Variants in MALRD1 observed in about 807,000 individuals in gnomAD.
MALRD1 encodes MAM and LDL receptor class A domain containing 1, also known as MAM and LDL-receptor class A domain-containing protein 1.
Under a neutral mutation model 242.1 loss-of-function variants are expected in MALRD1, and 247 were observed. The ratio of observed to expected loss-of-function variants is 1.02; its 90% CI spans 0.92 to 1.13. The LOEUF is 1.13. MALRD1 is among the 50% of genes most tolerant of loss of function. The probability of loss-of-function intolerance (pLI) is 0.00; values close to 1 mark genes in which losing one functional copy is unlikely to be tolerated. For missense variants in MALRD1, 2,989 were observed against 2,533.1 expected (o/e 1.18, Z -3.86); for synonymous variants, 995 against 866.6 (o/e 1.15, Z -2.60).
chr10:19,498,077 A>G (rs1384144814), intron 30 of MALRD1, among the ~76,000 whole-genome samples: 1 of 152,224 alleles, frequency 6.6e-6, no homozygotes, highest in African/African-American at 2.4e-5. Context: ...TTTCTTGAGT[A>G]AATGACTTTG....
intron 18 of MALRD1, among the ~76,000 whole-genome samples, chr10:19,256,978 T>C (rs977803576): frequency 3.3e-5 from 5 of 152,128 alleles, no homozygotes; most frequent in Non-Finnish European, 7.4e-5. Context: ...ATTAAAATAA[T>C]TCATCATGAT....
At chr10:19,733,095 C>G (rs1461853297) in intron 39 of MALRD1, among the ~76,000 whole-genome samples, 1 of 152,140 alleles carries the variant, frequency 6.6e-6, no homozygotes, top group Admixed American at 6.5e-5. Context: ...AGATAGACTT[C>G]TCTAAGTCTA....
At chr10:19,267,257 A>C (rs533900161) in intron 19 of MALRD1, among the ~76,000 whole-genome samples, 135 of 152,244 alleles carry the variant, frequency 8.9e-4, no homozygotes, top group Middle Eastern at 3.4e-3. Context: ...GTATTATATG[A>C]ATATCCATGT....
At chr10:19,293,243 A>T (rs960973997) in intron 21 of MALRD1, among the ~76,000 whole-genome samples, 1 of 152,036 alleles carries the variant, frequency 6.6e-6, no homozygotes, top group African/African-American at 2.4e-5. Context: ...AAGTGGTGCA[A>T]ACAGCTGAAA....
chr10:19,294,567 T>C (rs991972698), intron 21 of MALRD1, among the ~76,000 whole-genome samples: 4 of 152,182 alleles, frequency 2.6e-5, no homozygotes, highest in Non-Finnish European at 1.5e-5. Context: ...TGTAAGTAGA[T>C]GTATAAAACC....
intron 33 of MALRD1, among the ~76,000 whole-genome samples, chr10:19,583,149 T>C (rs28791554): frequency 8.0e-6 from 1 of 124,318 alleles, no homozygotes; most frequent in African/African-American, 3.4e-5. Flanking sequence ...TTTCTAGATA[T>C]ACAATCATGT....
chr10:19,449,504 T>C (rs3864826), intron 28 of MALRD1, among the ~76,000 whole-genome samples: 45,302 of 152,086 alleles, frequency 0.3, 6,834 homozygotes, highest in Admixed American at 0.39. Context: ...TTGGGAAATA[T>C]TTTAGTAGAT....
chr10:19,184,745 G>A (rs1451086483), intron 14 of MALRD1, among the ~76,000 whole-genome samples: 1 of 151,984 alleles, frequency 6.6e-6, no homozygotes, highest in East Asian at 1.9e-4. Context: ...ATGGGGTTTT[G>A]CCATGTTGGC....
chr10:19,060,234 TGTTTTATGTAC>T lies in MALRD1; in HGVS notation c.200-6481_200-6471del, dbSNP rs578081942. On this transcript the variant is annotated intron_variant, in intron 1 of 39. Coordinates refer to ENST00000454679, the MANE Select transcript of MALRD1 (RefSeq NM_001142308.3). ...TGTTGAGCCTTCTGCCCCATGCAGT[TGTTTTATGTAC>T]GTTATCTTACAGCAGTAAGAGGAGC... Among the ~76,000 whole-genome samples the T allele has an allele frequency of 5.6e-3, 859 of 152,304 alleles. 7 individuals carry two copies. The highest frequency in any genetic ancestry group is 8.0e-3 in the Admixed American group (122 of 15,288).
chr10:19,369,685 C>T lies in MALRD1; in HGVS notation c.4441+17388C>T, dbSNP rs534031725. Among the ~76,000 whole-genome samples, 23 of 150,350 alleles carry T rather than the reference C, an allele frequency of 1.5e-4. No homozygotes were observed. In the South Asian group the frequency reaches 4.8e-3, roughly 31 times the overall value. On this transcript the variant is annotated intron_variant, in intron 26 of 39. Transcript: ENST00000454679. ...TCAAATATGCATAAGTACACAAATA[C>T]ACACATATATTTAAATATATATAAG...
At chr10:19,585,659 T>C (rs1002063000) in intron 33 of MALRD1, among the ~76,000 whole-genome samples, 7 of 152,180 alleles carry the variant, frequency 4.6e-5, no homozygotes, top group Non-Finnish European at 7.3e-5. Context: ...GCCCTTAACA[T>C]TTTTTCCTTC....
chr10:19,417,507 A>G (rs887097915), intron 28 of MALRD1, among the ~76,000 whole-genome samples: 1 of 152,186 alleles, frequency 6.6e-6, no homozygotes. Context: ...AATTCCATTA[A>G]CATATCAATA....
intron 26 of MALRD1, among the ~76,000 whole-genome samples, chr10:19,358,408 C>G (rs1844739029): frequency 6.6e-6 from 1 of 152,082 alleles, no homozygotes; most frequent in African/African-American, 2.4e-5. Flanking sequence ...AAACTAGTGC[C>G]TAGTGATGAG....
At chr10:19,312,383 T>TATAC (rs1326174772) in intron 21 of MALRD1, among the ~76,000 whole-genome samples, 1 of 145,186 alleles carries the variant, frequency 6.9e-6, no homozygotes, top group East Asian at 2.0e-4. Flanking sequence ...AATGTGTATA[T>TATAC]ATATATATAT....
At chr10:19,517,289 A>G (rs185728486) in intron 31 of MALRD1, among the ~76,000 whole-genome samples, 1 of 152,286 alleles carries the variant, frequency 6.6e-6, no homozygotes, top group Admixed American at 6.5e-5. Context: ...TTCCAGGCCA[A>G]TGTGAGTGCA....
chr10:19,554,867 A>C (rs557417871), intron 32 of MALRD1, among the ~76,000 whole-genome samples: 7 of 152,124 alleles, frequency 4.6e-5, no homozygotes, highest in African/African-American at 1.7e-4. Flanking sequence ...GCATGCATGT[A>C]TCTTTGTAAT....
chr10:19,238,818 TGTAC>T (rs1838622149), intron 18 of MALRD1, among the ~76,000 whole-genome samples: 1 of 151,292 alleles, frequency 6.6e-6, no homozygotes, highest in Non-Finnish European at 1.5e-5. Context: ...GCTTAATGGT[TGTAC>T]TAGTTTACAA....
intron 33 of MALRD1, among the ~76,000 whole-genome samples, chr10:19,593,924 T>G (rs188093604): frequency 1.1e-3 from 173 of 152,332 alleles, no homozygotes; most frequent in Non-Finnish European, 1.6e-3. Context: ...CACTGTGATT[T>G]TATCTAGCTT....
intron 12 of MALRD1, among the ~76,000 whole-genome samples, chr10:19,159,379 C>A (rs980743553): frequency 2.6e-5 from 4 of 151,366 alleles, no homozygotes; most frequent in African/African-American, 9.7e-5. Context: ...TATTCTTATC[C>A]TTCTGTATCT....
Sources: gnomAD v4.1 joint callset for allele counts (sites outside exome capture counted in the v4.1 genomes callset) on GRCh38, gnomAD v4.1.1 for gene constraint, MANE v1.5 for transcripts, NCBI Gene and HGNC (gene_info 2026-07-23, HGNC 2026-07-21) for gene names.